The following ZNF540 variants were observed in gnomAD, a reference collection of about 807,000 sequenced individuals.
ZNF540 encodes the protein CTD-3064H18.6.
In ZNF540, 3 loss-of-function variants were observed where a neutral mutation model predicts 11.8. The observed-to-expected ratio is 0.25, with a 90% CI of 0.12 to 0.65. ZNF540 has a LOEUF of 0.65. Among genes scored for constraint, ZNF540 ranks in the 30% least tolerant of loss-of-function variants. ZNF540 has a pLI of 0.83. For missense variants in ZNF540, 709 were observed against 793.1 expected, an observed-to-expected ratio of 0.89 and a Z score of 1.27; for synonymous variants, 247 against 259.0, an observed-to-expected ratio of 0.95 and a Z score of 0.45.
intron 1 of ZNF540, chr19:37,564,455 G>A: frequency 1.7e-6 from 1 of 597,424 alleles, no homozygotes. Flanking sequence ...TTATTTAAGG[G>A]GTTTCTGAAA....
chr19:37,594,132 T>C (rs910670965), upstream of ZNF540: 3 of 152,234 alleles, frequency 2.0e-5, no homozygotes, highest in Non-Finnish European at 2.9e-5. Context: ...CAAGCTAGAA[T>C]AGGACATCTT....
At chr19:37,578,242 T>C (rs2147183343) in intron 1 of ZNF540, among the ~76,000 whole-genome samples, 1 of 152,190 alleles carries the variant, frequency 6.6e-6, no homozygotes, top group African/African-American at 2.4e-5. Flanking sequence ...TAGAAGACCA[T>C]GTCAGGATTT....
At chr19:37,599,473 G>T (rs1313103307) in intron 2 of ZNF540, among the ~76,000 whole-genome samples, 153 bp from the exon 3 acceptor site, 1 of 152,160 alleles carries the variant, frequency 6.6e-6, no homozygotes, top group African/African-American at 2.4e-5. Context: ...AGAACACCTG[G>T]TTCCTTTCTT....
intron 1 of ZNF540, chr19:37,566,310 G>T (rs1280288024): frequency 6.4e-7 from 1 of 1,566,088 alleles, no homozygotes; most frequent in African/African-American, 1.4e-5. Context: ...TAAAAAGAAA[G>T]CAAATTCCTG....
chr19:37,580,273 G>A (rs2043406491), intron 1 of ZNF540, among the ~76,000 whole-genome samples: 1 of 152,184 alleles, frequency 6.6e-6, no homozygotes, highest in Admixed American at 6.5e-5. Context: ...CAATCCTCAT[G>A]ATATATACTG....
Position 37,564,789 on chromosome 19 carries a change from C to T in ZNF540, c.-73+13124C>T, listed in dbSNP as rs535853504. On this transcript the variant is annotated intron_variant, in intron 1 of 4. Transcript: ENST00000592533. The stretch of plus-strand genomic sequence containing the variant: ...TCTCCAGTATGAGTTCTCAGATGTT[C>T]AGTAAGGTGTGAGCCACGAATAAAA... 3.5e-5 allele frequency: 56 copies of T among 1,613,660 alleles called. No homozygotes were observed. The highest frequency in any genetic ancestry group is 4.5e-5 in the Non-Finnish European group (53 of 1,179,888).
intron 1 of ZNF540, among the ~76,000 whole-genome samples, chr19:37,567,976 G>T (rs1204670761): frequency 2.6e-5 from 4 of 151,838 alleles, no homozygotes; most frequent in African/African-American, 9.7e-5. Flanking sequence ...ATTACTTAAG[G>T]CCAAATGTTC....
chr19:37,583,663 A>G (rs139299304), intron 1 of ZNF540: 142 of 193,004 alleles, frequency 7.4e-4, no homozygotes, highest in African/African-American at 3.0e-3. Context: ...TCCAGTAAGG[A>G]AAGTATATTT....
chr19:37,601,244 C>A, intron 4 of ZNF540, 139 bp downstream of exon 4: 1 of 621,494 alleles, frequency 1.6e-6, no homozygotes, highest in Non-Finnish European at 2.7e-6. Context: ...AAGGTTAAGA[C>A]AGGGAAGAAA....
chr19:37,602,141 T>A (rs762280486), intron 4 of ZNF540, among the ~76,000 whole-genome samples: 5 of 152,070 alleles, frequency 3.3e-5, no homozygotes, highest in Non-Finnish European at 7.4e-5. Context: ...ATCTTATGAT[T>A]TGAAAGTAGA....
intron 2 of ZNF540, among the ~76,000 whole-genome samples, 176 bp from the exon 3 acceptor site, chr19:37,599,450 G>A (rs1568366122): frequency 6.6e-6 from 1 of 152,150 alleles, no homozygotes; most frequent in Non-Finnish European, 1.5e-5. Flanking sequence ...AGAAAATGAG[G>A]TGACTCTGCT....
At chr19:37,554,591 G>A (rs576002645) in intron 1 of ZNF540, among the ~76,000 whole-genome samples, 2 of 152,242 alleles carry the variant, frequency 1.3e-5, no homozygotes, top group Admixed American at 1.3e-4. Context: ...GAGCTTCTTA[G>A]ATCTGTGGCT....
At chr19:37,555,567 C>T (rs933581328) in intron 1 of ZNF540, 5 of 266,670 alleles carry the variant, frequency 1.9e-5, no homozygotes, top group Non-Finnish European at 3.6e-5. Flanking sequence ...TTCCTGTTGG[C>T]GCCTATCTAG....
intron 1 of ZNF540, chr19:37,556,146 C>G: frequency 1.4e-6 from 1 of 702,166 alleles, no homozygotes; most frequent in Non-Finnish European, 2.6e-6. Context: ...TTGCTCTTCG[C>G]GGGTACGGGC....
upstream of ZNF540, among the ~76,000 whole-genome samples, chr19:37,590,052 A>G (rs1339876154): frequency 6.6e-6 from 1 of 151,864 alleles, no homozygotes; most frequent in African/African-American, 2.4e-5. Context: ...TGATTTAATT[A>G]AATTAAATGT....
At chr19:37,608,380 G>T (rs1039288190) in intron 4 of ZNF540, among the ~76,000 whole-genome samples, 2 of 151,966 alleles carry the variant, frequency 1.3e-5, no homozygotes, top group African/African-American at 2.4e-5. Flanking sequence ...ATTTCTTTTT[G>T]ATTCTTTCTT....
rs749211932 is a variant in ZNF540 at position 37,598,404 on chromosome 19, A to G, written c.-44A>G. On this transcript the variant is annotated 5_prime_UTR_variant, in exon 2 of 5. Transcript: ENST00000316433. ...TCTCAGAACTTTGCTTCTCCAGCAG[A>G]ATAATCCTGCGGAAGACTGAGCAGT... 6 of 1,611,830 alleles carry G rather than the reference A, an allele frequency of 3.7e-6. No individual in the cohort carries two copies. Among genetic ancestry groups the G allele is most frequent in the Non-Finnish European group, 5.1e-6 (6 of 1,179,056 alleles).
At chr19:37,575,900 A>G (rs1467658650) in intron 1 of ZNF540, 1 of 152,250 alleles carries the variant, frequency 6.6e-6, no homozygotes, top group African/African-American at 2.4e-5. Flanking sequence ...AAAACATGAC[A>G]CAAACATATA....
At chr19:37,566,355 T>C in intron 1 of ZNF540, 2 of 1,493,592 alleles carry the variant, frequency 1.3e-6, no homozygotes, top group African/African-American at 2.8e-5. Flanking sequence ...AATTCTATGG[T>C]AAAAATGATA....
Sources: allele counts gnomAD v4.1 joint callset (sites outside exome capture counted in the v4.1 genomes callset), GRCh38; gene constraint gnomAD v4.1.1; transcripts MANE v1.5; gene names NCBI Gene and HGNC (gene_info 2026-07-23, HGNC 2026-07-21).